The following EDA variants were observed in gnomAD, a reference collection of about 807,000 sequenced individuals.
The protein encoded by EDA is ectodysplasin-A.
Under a neutral mutation model 23.6 loss-of-function variants are expected in EDA, and 2 were observed. That is an observed-to-expected ratio of 0.08 (90% confidence interval 0.03 to 0.27). The LOEUF is 0.27. EDA is among the 10% of genes least tolerant of loss of function. The probability of loss-of-function intolerance (pLI) is 1.00; values close to 1 mark genes in which losing one functional copy is unlikely to be tolerated. For synonymous variants in EDA, 131 were observed against 132.0 expected (o/e 0.99, Z 0.05); for missense variants, 229 against 324.2 (o/e 0.71, Z 2.26).
rs3077261 is a variant in EDA at position 69,655,762 on chromosome X, CTATATATA to C, written c.396+39076_396+39083del. On this transcript the variant is annotated intron_variant, in intron 1 of 7. Coordinates refer to ENST00000374552, the MANE Select transcript of EDA (RefSeq NM_001399.5). Reference sequence around the variant, plus strand: ...CCACTATTATTTACATCATTAGAATCTATATATATATATATATATATATATTGCACTTT... The same window carrying C: ...CCACTATTATTTACATCATTAGAATCTATATATATATATATATTGCACTTT... Among the ~76,000 whole-genome samples the C allele has an allele frequency of 6.9e-4, 36 of 52,477 alleles. 3 individuals are homozygous for C. The East Asian group carries it at 7.9e-3, about 11-fold the overall frequency. The allele number at this position is 52,477 out of a possible 115,157, so 45.6% of individuals were successfully genotyped here. A position where few individuals can be genotyped will look rare whatever the true frequency, so the allele number is the denominator to read the frequency against.
At chrX:69,727,014 C>T (rs765886428) in intron 1 of EDA, among the ~76,000 whole-genome samples, 1 of 111,670 alleles carries the variant, frequency 9.0e-6, no homozygotes, top group African/African-American at 3.3e-5. Context: ...TTCTGGCGTT[C>T]AAGAAGAATC....
chrX:69,713,837 T>C lies in EDA; in HGVS notation c.396+97133T>C, dbSNP rs747568863. Among the ~76,000 whole-genome samples, 6 of 111,424 alleles carry C rather than the reference T, an allele frequency of 5.4e-5. No homozygotes were observed. The South Asian group carries it at 2.3e-3, about 42-fold the overall frequency. ...GAAAGCTGCCATGAACATTTGTGTG[T>C]AGGTTTTTGTTTGAACATGTTTTTA... On this transcript the variant is annotated intron_variant, in intron 1 of 7. Transcript: ENST00000374552.
At chrX:69,677,336 A>G (rs1273271801) in intron 1 of EDA, among the ~76,000 whole-genome samples, 2 of 110,516 alleles carry the variant, frequency 1.8e-5, no homozygotes, top group East Asian at 5.8e-4. Context: ...TCCTTTGGGT[A>G]TATACCCAGT....
At chrX:69,769,456 T>A (rs1486262448) in intron 1 of EDA, among the ~76,000 whole-genome samples, 2 of 111,745 alleles carry the variant, frequency 1.8e-5, no homozygotes, top group African/African-American at 6.5e-5. Context: ...CTTGCTTTTT[T>A]AATTCCGTCT....
At chrX:69,699,265 G>A (rs1434857060) in intron 1 of EDA, among the ~76,000 whole-genome samples, 2 of 111,470 alleles carry the variant, frequency 1.8e-5, no homozygotes, top group East Asian at 2.8e-4. Context: ...GAGGAAGAAC[G>A]AAGCACCCTC....
intron 2 of EDA, among the ~76,000 whole-genome samples, chrX:69,976,219 G>A (rs757760754): frequency 9.0e-6 from 1 of 111,643 alleles, no homozygotes; most frequent in Non-Finnish European, 1.9e-5. Flanking sequence ...ATATAGACAC[G>A]GTTAAGAATT....
chrX:69,844,411 A>G (rs918860253), intron 1 of EDA, among the ~76,000 whole-genome samples: 2 of 112,906 alleles, frequency 1.8e-5, no homozygotes, highest in Non-Finnish European at 3.7e-5. Context: ...ATCTTCTAGT[A>G]GAGATCAAGC....
At chrX:69,779,083 G>A (rs1273675142) in intron 1 of EDA, among the ~76,000 whole-genome samples, 1 of 111,685 alleles carries the variant, frequency 9.0e-6, no homozygotes, top group Non-Finnish European at 1.9e-5. Flanking sequence ...CAGTTGGAAT[G>A]TAAAATGGTA....
intron 2 of EDA, among the ~76,000 whole-genome samples, chrX:70,009,700 C>A (rs2019849788): frequency 9.0e-6 from 1 of 111,513 alleles, no homozygotes; most frequent in Admixed American, 9.6e-5. Flanking sequence ...GATTCTCCTG[C>A]CTTAGCCTCC....
In EDA at chrX:69,655,590, C is replaced by T. The variant is rs1350551406; in HGVS notation, c.396+38886C>T. Among the ~76,000 whole-genome samples, 10 of 105,941 alleles carry T rather than the reference C, an allele frequency of 9.4e-5. No individual in the cohort carries two copies. The Admixed American group carries it at 1.0e-3, about 11-fold the overall frequency. The allele number at this position is 105,941 out of a possible 115,157, so 92.0% of individuals were successfully genotyped here. On this transcript the variant is annotated intron_variant, in intron 1 of 7. Transcript: ENST00000374552. ...TCAGTTTTGTCTGTCTTCTGTAATG[C>T]ATTGTTTCCTTTTTAGCATGATAAT...
intron 1 of EDA, among the ~76,000 whole-genome samples, chrX:69,863,761 ATATT>A (rs916693318): frequency 4.6e-5 from 5 of 108,195 alleles, no homozygotes; most frequent in Admixed American, 1.0e-4. Context: ...GTGTGTATAT[ATATT>A]CTGTGCAAAG....
chrX:69,980,483 C>T lies in EDA; in HGVS notation c.502+23351C>T, dbSNP rs767247851. ...TACAAAATACTGTAGCAAAAGAATT[C>T]GTCGGAGCTGATTACTATAACAATG... On this transcript the variant is annotated intron_variant, in intron 2 of 7. Coordinates refer to ENST00000374552, the MANE Select transcript of EDA (RefSeq NM_001399.5). Among the ~76,000 whole-genome samples the T allele has an allele frequency of 3.6e-5, 4 of 112,065 alleles. No individual in the cohort carries two copies. The East Asian group carries it at 8.4e-4, about 23-fold the overall frequency.
chrX:69,861,095 G>A, intron 1 of EDA: 1 of 396,541 alleles, frequency 2.5e-6, no homozygotes, highest in Non-Finnish European at 4.5e-6. Context: ...TCCTCACCAA[G>A]GAAACTTCCA....
chrX:69,668,310 G>A (rs750008252), intron 1 of EDA, among the ~76,000 whole-genome samples: 48 of 111,064 alleles, frequency 4.3e-4, no homozygotes, highest in Non-Finnish European at 6.0e-4. Context: ...TTATAATTAT[G>A]GTCTAAAGTG....
intron 1 of EDA, among the ~76,000 whole-genome samples, chrX:69,901,368 T>C (rs760980418): frequency 8.9e-6 from 1 of 112,165 alleles, no homozygotes; most frequent in Admixed American, 9.5e-5. Flanking sequence ...CAAAATGTAA[T>C]TGAATAAGAA....
intron 1 of EDA, among the ~76,000 whole-genome samples, chrX:69,713,342 A>T (rs2012167521): frequency 8.9e-6 from 1 of 112,038 alleles, no homozygotes. Flanking sequence ...CCAGGAATTG[A>T]CATTGGTACA....
intron 3 of EDA, among the ~76,000 whole-genome samples, chrX:70,026,418 G>A (rs1388466906): frequency 8.9e-6 from 1 of 111,737 alleles, no homozygotes; most frequent in Non-Finnish European, 1.9e-5. Flanking sequence ...GGATAGCAAG[G>A]AGGAAAGGGG....
chrX:69,692,112 T>C (rs1347365668), intron 1 of EDA, among the ~76,000 whole-genome samples: 3 of 111,479 alleles, frequency 2.7e-5, no homozygotes, highest in African/African-American at 9.8e-5. Context: ...TTGGCCTAGA[T>C]CTTTTCCCTT....
chrX:69,636,730 G>C (rs760231850), intron 1 of EDA, among the ~76,000 whole-genome samples: 1 of 108,766 alleles, frequency 9.2e-6, no homozygotes, highest in Non-Finnish European at 1.9e-5. Flanking sequence ...CAAGGAAACC[G>C]TTTCTTCTTG....
Sources: gnomAD v4.1 joint callset for allele counts (sites outside exome capture counted in the v4.1 genomes callset) on GRCh38, gnomAD v4.1.1 for gene constraint, MANE v1.5 for transcripts, NCBI Gene and HGNC (gene_info 2026-07-23, HGNC 2026-07-21) for gene names.